Variants in MAP2K5 observed in about 807,000 individuals in gnomAD.
MAP2K5 encodes the protein dual specificity mitogen-activated protein kinase kinase 5.
Under a neutral mutation model 83.1 loss-of-function variants are expected in MAP2K5, and 49 were observed. The observed-to-expected ratio is 0.59, with a 90% CI of 0.47 to 0.75. The LOEUF is 0.75. Ranked by LOEUF, MAP2K5 falls within the 30% of genes least tolerant of loss-of-function variation. The pLI is 0.00. For missense variants in MAP2K5, 457 were observed against 557.5 expected (o/e 0.82, Z 1.82); for synonymous variants, 202 against 191.8 (o/e 1.05, Z -0.44).
In MAP2K5 at chr15:67,724,342, C is replaced by T. The variant is rs1341844746; in HGVS notation, c.1045-3574C>T. Among the ~76,000 whole-genome samples, 7 of 152,244 alleles carry T rather than the reference C, an allele frequency of 4.6e-5. No individual in the cohort carries two copies. The East Asian group carries it at 9.6e-4, about 21-fold the overall frequency. ...TGCTCCTTCTTCCCCATAAGGGTCCCATGTTTATTTTGACTTTTGACAGCC... is the reference window on the plus strand; with the variant it reads ...TGCTCCTTCTTCCCCATAAGGGTCCTATGTTTATTTTGACTTTTGACAGCC... On this transcript the variant is annotated intron_variant, in intron 16 of 21. Coordinates refer to ENST00000178640, the MANE Select transcript of MAP2K5 (RefSeq NM_145160.3). This position sits in a 1 kb window ranked among gnomAD's most constrained non-coding sequence, Gnocchi z 4.4.
chr15:67,646,003 C>CT (rs1290653194), intron 9 of MAP2K5, among the ~76,000 whole-genome samples: 1 of 152,122 alleles, frequency 6.6e-6, no homozygotes, highest in African/African-American at 2.4e-5. Context: ...TGAGACCTGG[C>CT]TTTTTTCTTT....
intron 17 of MAP2K5, among the ~76,000 whole-genome samples, chr15:67,739,456 ATATATATTTTTTTTTTTTT>A (rs2089436357): frequency 5.8e-5 from 1 of 17,198 alleles, no homozygotes; most frequent in Admixed American, 1.1e-3. Context: ...ATATATATAT[ATATATATTTTTTTTTTTTT>A]TTTTTTTTTT....
intron 8 of MAP2K5, among the ~76,000 whole-genome samples, chr15:67,612,060 T>TATC (rs147356790): frequency 0.12 from 17,860 of 149,840 alleles, 1,193 homozygotes; most frequent in East Asian, 0.2. Context: ...CTGGAAATTT[T>TATC]ATCTTTGGTT....
intron 21 of MAP2K5, among the ~76,000 whole-genome samples, chr15:67,800,339 ATCCATTGT>A (rs1190397630): frequency 6.6e-6 from 1 of 152,158 alleles, no homozygotes. Context: ...ATGTATTAGT[ATCCATTGT>A]AGACACTTCT....
intron 3 of MAP2K5, among the ~76,000 whole-genome samples, chr15:67,579,757 A>G (rs1663335518): frequency 1.3e-5 from 2 of 152,256 alleles, no homozygotes; most frequent in African/African-American, 4.8e-5. Context: ...ATAGGAAGAT[A>G]TATGTGATAT....
At chr15:67,622,994 C>G (rs1388390341) in intron 8 of MAP2K5, among the ~76,000 whole-genome samples, 1 of 152,002 alleles carries the variant, frequency 6.6e-6, no homozygotes, top group Non-Finnish European at 1.5e-5. Context: ...CCCAGCTACT[C>G]GGGAGGCTGA....
In MAP2K5 at chr15:67,626,746, A is replaced by G. The variant is rs1372881580; in HGVS notation, c.546-4142A>G. 2.0e-5 allele frequency among the ~76,000 whole-genome samples: 3 copies of G among 151,644 alleles called. No individual in the cohort carries two copies. The East Asian group carries it at 5.9e-4, about 30-fold the overall frequency. Reference sequence around the variant, plus strand: ...AGACTTCATCTCTTAAAAACTTAAAAAAAATTAGCCAGGCATGGTGGTATA... The same window carrying G: ...AGACTTCATCTCTTAAAAACTTAAAGAAAATTAGCCAGGCATGGTGGTATA... On this transcript the variant is annotated intron_variant, in intron 8 of 21. Coordinates refer to ENST00000178640, the MANE Select transcript of MAP2K5 (RefSeq NM_145160.3).
At chr15:67,726,838 G>T (rs1411895199) in intron 16 of MAP2K5, among the ~76,000 whole-genome samples, 1 of 152,166 alleles carries the variant, frequency 6.6e-6, no homozygotes, top group Non-Finnish European at 1.5e-5. Context: ...CTGAGGATTG[G>T]CCACATTATA....
intron 13 of MAP2K5, among the ~76,000 whole-genome samples, chr15:67,674,562 A>G (rs950095473): frequency 1.3e-5 from 2 of 152,192 alleles, no homozygotes; most frequent in Non-Finnish European, 2.9e-5. Flanking sequence ...ATCCACACAA[A>G]TGAACATCTC....
rs544504668 is a variant in MAP2K5 at position 67,696,263 on chromosome 15, T to C, written c.972+2695T>C. On this transcript the variant is annotated intron_variant, in intron 15 of 21. Coordinates refer to ENST00000178640, the MANE Select transcript of MAP2K5 (RefSeq NM_145160.3). ...GGCCAAATTCAATTTACTGGAACAATGTACTGATCACTCTTCCAAGCTCTT... is the reference window on the plus strand; with the variant it reads ...GGCCAAATTCAATTTACTGGAACAACGTACTGATCACTCTTCCAAGCTCTT... Among the ~76,000 whole-genome samples, 188 of 152,190 alleles carry C rather than the reference T, an allele frequency of 1.2e-3. 1 individual carries two copies. The highest frequency in any genetic ancestry group is 2.3e-3 in the Non-Finnish European group (154 of 68,026).
Position 67,793,351 on chromosome 15 carries a change from A to G in MAP2K5, c.1243-13295A>G, listed in dbSNP as rs2141335266. Among the ~76,000 whole-genome samples, 1 of 152,280 alleles carries G rather than the reference A, an allele frequency of 6.6e-6. No individual in the cohort carries two copies. Among genetic ancestry groups the G allele is most frequent in the East Asian group, 1.9e-4 (1 of 5,184 alleles). On this transcript the variant is annotated intron_variant, in intron 21 of 21. Transcript: ENST00000178640. The surrounding 1 kb of genome is among the most constrained non-coding windows in gnomAD (Gnocchi z 4.6). The stretch of plus-strand genomic sequence containing the variant: ...TCTATTTGCCATGTTCTATACCAGT[A>G]TCTCCTGATATTGACACGAGTAGGG...
chr15:67,710,244 C>A (rs529255242), intron 16 of MAP2K5, among the ~76,000 whole-genome samples: 1 of 152,300 alleles, frequency 6.6e-6, no homozygotes, highest in South Asian at 2.1e-4. Flanking sequence ...GTTTGCCACC[C>A]CTCTAACCAG....
chr15:67,626,560 G>T (rs902235340), intron 8 of MAP2K5, among the ~76,000 whole-genome samples: 3 of 151,876 alleles, frequency 2.0e-5, no homozygotes, highest in Non-Finnish European at 4.4e-5. Context: ...ATAATATAGG[G>T]GATAGGGTTC....
intron 15 of MAP2K5, among the ~76,000 whole-genome samples, chr15:67,696,738 G>A (rs959006556): frequency 3.9e-5 from 6 of 152,204 alleles, no homozygotes; most frequent in African/African-American, 1.4e-4. Context: ...AGCACTTTGG[G>A]AGGCCAAGGC....
intron 8 of MAP2K5, among the ~76,000 whole-genome samples, chr15:67,613,998 C>G (rs1231273598): frequency 6.6e-6 from 1 of 152,076 alleles, no homozygotes; most frequent in African/African-American, 2.4e-5. Context: ...TCGATTTTCC[C>G]TATTGCTTTT....
At chr15:67,621,335 A>G (rs1335839673) in intron 8 of MAP2K5, among the ~76,000 whole-genome samples, 1 of 151,692 alleles carries the variant, frequency 6.6e-6, no homozygotes, top group African/African-American at 2.4e-5. Context: ...ATAACTGGGT[A>G]TGATATGCTT....
chr15:67,721,825 T>C (rs1357183033), intron 16 of MAP2K5, among the ~76,000 whole-genome samples: 1 of 152,242 alleles, frequency 6.6e-6, no homozygotes, highest in East Asian at 1.9e-4. Flanking sequence ...CTTTTAATGA[T>C]GGTGTCTTTG....
At chr15:67,624,589 TTGTGTGTGTGTGTGTGTGTG>T (rs71142388) in intron 8 of MAP2K5, among the ~76,000 whole-genome samples, 102 of 141,802 alleles carry the variant, frequency 7.2e-4, no homozygotes, top group African/African-American at 1.1e-3. Context: ...CACGATCTCT[TTGTGTGTGTGTGTGTGTGTG>T]TGTGTGTGTG....
chr15:67,725,048 G>A (rs1217712252), intron 16 of MAP2K5, among the ~76,000 whole-genome samples: 1 of 152,216 alleles, frequency 6.6e-6, no homozygotes, highest in Admixed American at 6.5e-5. Flanking sequence ...GGTTCCACAA[G>A]ATGTCAGGAA....
Sources: allele counts gnomAD v4.1 joint callset (sites outside exome capture counted in the v4.1 genomes callset), GRCh38; gene constraint gnomAD v4.1.1; non-coding constraint Gnocchi (gnomAD v3.1); transcripts MANE v1.5; gene names NCBI Gene and HGNC (gene_info 2026-07-23, HGNC 2026-07-21).